Variants in CXCL1 observed in about 807,000 individuals in gnomAD.
CXCL1 encodes growth-regulated alpha protein.
CXCL1 carries 9 observed loss-of-function variants against 11.7 expected under a neutral mutation model. That is an observed-to-expected ratio of 0.77 (90% CI 0.46 to 1.34). The LOEUF is 1.34. CXCL1 is among the 40% of genes most tolerant of loss of function. The pLI, the probability that CXCL1 is intolerant of heterozygous loss-of-function variation, is 0.00. For synonymous variants in CXCL1, 78 were observed against 59.1 expected, an observed-to-expected ratio of 1.32 and a Z score of -1.47; for missense variants, 146 against 138.1, an observed-to-expected ratio of 1.06 and a Z score of -0.29.
rs1361863329 is a variant in CXCL1 at position 73,869,447 on chromosome 4, C to G, written c.-24C>G. 6.5e-7 allele frequency: 1 copy of G among 1,544,590 alleles called. No individual in the cohort carries two copies. Among genetic ancestry groups the G allele is most frequent in the African/African-American group, 1.4e-5 (1 of 73,066 alleles). ...CCAGCTCTTCCGCTCCTCTCACAGC[C>G]GCCAGACCCGCCTGCTGAGCCCCAT... is the stretch of plus-strand genomic sequence containing the variant. On this transcript the variant is annotated 5_prime_UTR_variant, in exon 1 of 4. Transcript: ENST00000395761.
Position 73,869,457 on chromosome 4 carries a change from G to A in CXCL1, c.-14G>A, listed in dbSNP as rs1451933376. On this transcript the variant is annotated 5_prime_UTR_variant, in exon 1 of 4. Transcript: ENST00000395761. Reference sequence around the variant, plus strand: ...CGCTCCTCTCACAGCCGCCAGACCCGCCTGCTGAGCCCCATGGCCCGCGCT... The same window carrying A: ...CGCTCCTCTCACAGCCGCCAGACCCACCTGCTGAGCCCCATGGCCCGCGCT... 4.5e-6 allele frequency: 7 copies of A among 1,549,578 alleles called. No homozygotes were observed. Among genetic ancestry groups the A allele is most frequent in the Non-Finnish European group, 4.3e-6 (5 of 1,149,538 alleles).
Position 73,871,219 on chromosome 4 carries a change from A to G in CXCL1, c.*683A>G, listed in dbSNP as rs1261333825. On this transcript the variant is annotated 3_prime_UTR_variant, in exon 4 of 4. Transcript: ENST00000395761. ...TATTGATGTTTTCATAGAGAATATA[A>G]AAATAAAGCACTTATAGAAAAAACT... The G allele has an allele frequency of 1.3e-5, 2 of 152,244 alleles. No homozygotes were observed. Among genetic ancestry groups the G allele is most frequent in the Non-Finnish European group, 2.9e-5 (2 of 68,044 alleles). The allele number at this position is 152,244 out of a possible 1,614,324, so 9.4% of individuals were successfully genotyped here.
chr4:73,871,236 GA>G lies in CXCL1; in HGVS notation c.*706del, dbSNP rs1421735588. On this transcript the variant is annotated 3_prime_UTR_variant, in exon 4 of 4. Transcript: ENST00000395761. ...AGAATATAAAAATAAAGCACTTATAGAAAAAACTCGTTTGATTTTTGGGGGG... is the reference window on the plus strand; with the variant it reads ...AGAATATAAAAATAAAGCACTTATAGAAAAACTCGTTTGATTTTTGGGGGG... The G allele has an allele frequency of 6.6e-6, 1 of 152,158 alleles. No homozygotes were observed. The highest frequency in any genetic ancestry group is 2.1e-4 in the South Asian group (1 of 4,834). The allele number at this position is 152,158 out of a possible 1,614,324, so 9.4% of individuals were successfully genotyped here. A position where few individuals can be genotyped will look rare whatever the true frequency, so the allele number is the denominator to read the frequency against.
In CXCL1 at chr4:73,870,519, A is replaced by G. The variant is rs1344427442; in HGVS notation, c.309-2A>G. ...CTCAGGGCACCCATTTTCTCATTGC[A>G]GTGACAAATCCAACTGACCAGAAGG... On this transcript the variant is annotated splice_acceptor_variant, in intron 3 of 3. Coordinates refer to ENST00000395761, the MANE Select transcript of CXCL1 (RefSeq NM_001511.4). LOFTEE classifies it high-confidence loss of function. The G allele has an allele frequency of 6.2e-7, 1 of 1,613,770 alleles. No homozygotes were observed. The highest frequency in any genetic ancestry group is 1.3e-5 in the African/African-American group (1 of 74,916).
chr4:73,870,307 A>ACCC, intron 3 of CXCL1: 1 of 448,170 alleles, frequency 2.2e-6, no homozygotes, highest in South Asian at 2.0e-5. Flanking sequence ...AGTGGAGACC[A>ACCC]CCGCCCCACC....
rs766192146 is a variant in CXCL1 at position 73,870,554 on chromosome 4, G to T, written c.*18G>T. The stretch of plus-strand genomic sequence containing the variant: ...CCAACTGACCAGAAGGGAGGAGGAA[G>T]CTCACTGGTGGCTGTTCCTGAAGGA... On this transcript the variant is annotated 3_prime_UTR_variant, in exon 4 of 4. Transcript: ENST00000395761. 8.1e-6 allele frequency: 13 copies of T among 1,613,660 alleles called. No homozygotes were observed. Among genetic ancestry groups the T allele is most frequent in the Admixed American group, 1.7e-5 (1 of 59,988 alleles).
chr4:73,869,676 C>A lies in CXCL1; in HGVS notation c.108C>A (p.Ser36=), dbSNP rs1282490203. 1.9e-6 allele frequency: 3 copies of A among 1,614,186 alleles called. No homozygotes were observed. Among genetic ancestry groups the A allele is most frequent in the Non-Finnish European group, 2.5e-6 (3 of 1,180,026 alleles). ...GAGTCTCTTCTTCCCTAGGAGCGTC[C>A]GTGGCCACTGAACTGCGCTGCCAGT... ...VAAGRRAAGA[S]VATELRCQCL... is the part of the protein sequence containing the mutation. The change falls in exon 2 of 4, where the codon TCC becomes TCA. Residue 36 remains serine (S), a synonymous_variant. Transcript: ENST00000395761.
chr4:73,870,496 C>T, intron 3 of CXCL1, 25 bp from the exon 4 acceptor site: 1 of 1,613,814 alleles, frequency 6.2e-7, no homozygotes, highest in Non-Finnish European at 8.5e-7. Context: ...AGCACCTACT[C>T]AGGGCACCCA....
chr4:73,869,540 C>T lies in CXCL1; in HGVS notation c.70C>T (p.Leu24Phe), dbSNP rs13104984. 1 of 1,607,836 alleles carries T rather than the reference C, an allele frequency of 6.2e-7. No homozygotes were observed. The highest frequency in any genetic ancestry group is 8.5e-7 in the Non-Finnish European group (1 of 1,177,036). The part of the protein sequence containing the change: ...RLLRVALLLL[L>F]LVAAGRRAAG... Reference sequence around the variant, plus strand: ...CCTGCGAGTGGCACTGCTGCTCCTGCTCCTGGTAGCCGCTGGCCGGCGCGC... The same window carrying T: ...CCTGCGAGTGGCACTGCTGCTCCTGTTCCTGGTAGCCGCTGGCCGGCGCGC... Residue 24 changes from leucine (L) to phenylalanine (F), a missense_variant, in exon 1 of 4, where the codon CTC becomes TTC. By Grantham distance (22) the Leu-to-Phe change is conservative (BLOSUM62 0). Coordinates refer to ENST00000395761, the MANE Select transcript of CXCL1 (RefSeq NM_001511.4).
chr4:73,870,616 ACAC>A lies in CXCL1; in HGVS notation c.*81_*83del, dbSNP rs1324343267. 1 of 1,578,720 alleles carries A rather than the reference ACAC, an allele frequency of 6.3e-7. No individual in the cohort carries two copies. Among genetic ancestry groups the A allele is most frequent in the African/African-American group, 1.3e-5 (1 of 74,150 alleles). On this transcript the variant is annotated 3_prime_UTR_variant, in exon 4 of 4. Coordinates refer to ENST00000395761, the MANE Select transcript of CXCL1 (RefSeq NM_001511.4). ...TATAGGAACAGAAGAGGAAAGAGAGACACAGCTGCAGAGGCCACCTGGATTGTG... is the reference window on the plus strand; with the variant it reads ...TATAGGAACAGAAGAGGAAAGAGAGAAGCTGCAGAGGCCACCTGGATTGTG...
intron 3 of CXCL1, chr4:73,870,263 C>T: frequency 1.6e-6 from 1 of 614,578 alleles, no homozygotes; most frequent in South Asian, 2.0e-5. Context: ...GGACAAACAG[C>T]AACAGGTTCT....
chr4:73,870,231 T>G, intron 3 of CXCL1: 1 of 623,334 alleles, frequency 1.6e-6, no homozygotes, highest in East Asian at 2.8e-5. Context: ...TAGGTAAAAC[T>G]GCCTTCATTT....
Position 73,869,457 on chromosome 4 carries a change from G to T in CXCL1, c.-14G>T, listed in dbSNP as rs1451933376. On this transcript the variant is annotated 5_prime_UTR_variant, in exon 1 of 4. Coordinates refer to ENST00000395761, the MANE Select transcript of CXCL1 (RefSeq NM_001511.4). ...CGCTCCTCTCACAGCCGCCAGACCC[G>T]CCTGCTGAGCCCCATGGCCCGCGCT... 3 of 1,549,692 alleles carry T rather than the reference G, an allele frequency of 1.9e-6. No homozygotes were observed. The highest frequency in any genetic ancestry group is 8.7e-7 in the Non-Finnish European group (1 of 1,149,530).
intron 3 of CXCL1, 196 bp from the exon 4 acceptor site, chr4:73,870,325 C>G: frequency 3.2e-6 from 2 of 619,220 alleles, no homozygotes; most frequent in Non-Finnish European, 5.6e-6. Context: ...ACCCCACCCC[C>G]ATTCCTAAAA....
chr4:73,869,858 T>G (rs946076896), intron 2 of CXCL1, 48 bp from the exon 3 acceptor site: 1 of 1,613,820 alleles, frequency 6.2e-7, no homozygotes, highest in South Asian at 1.1e-5. Flanking sequence ...GCCCCAACCC[T>G]GTCCCCAGCC....
intron 3 of CXCL1, 91 bp downstream of exon 3, chr4:73,870,080 AGG>A: frequency 1.5e-6 from 2 of 1,299,236 alleles, no homozygotes; most frequent in Non-Finnish European, 2.2e-6. Flanking sequence ...AGGAAAACCC[AGG>A]GGTTAGTTGA....
At chr4:73,869,815 T>G in intron 2 of CXCL1, 23 bp downstream of exon 2, 4 of 1,613,650 alleles carry the variant, frequency 2.5e-6, no homozygotes, top group South Asian at 1.1e-5. Context: ...CCGCGCTGCC[T>G]CTGCCACCGC....
In CXCL1 at chr4:73,870,591, T is replaced by C. The variant is rs1731928800; in HGVS notation, c.*55T>C. On this transcript the variant is annotated 3_prime_UTR_variant, in exon 4 of 4. Coordinates refer to ENST00000395761, the MANE Select transcript of CXCL1 (RefSeq NM_001511.4). ...CTGTTCCTGAAGGAGGCCCTGCCCT[T>C]ATAGGAACAGAAGAGGAAAGAGAGA... The C allele has an allele frequency of 6.2e-7, 1 of 1,609,300 alleles. No homozygotes were observed. The highest frequency in any genetic ancestry group is 1.3e-5 in the African/African-American group (1 of 74,798).
At chr4:73,870,429 A>C in intron 3 of CXCL1, 92 bp from the exon 4 acceptor site, 1 of 1,542,236 alleles carries the variant, frequency 6.5e-7, no homozygotes, top group Non-Finnish European at 8.9e-7. Flanking sequence ...CATTCGGAAA[A>C]CTCTAGAGGC....
Sources: gnomAD v4.1 joint callset for allele counts on GRCh38, gnomAD v4.1.1 for gene constraint, MANE v1.5 for transcripts, NCBI Gene and HGNC (gene_info 2026-07-23, HGNC 2026-07-21) for gene names.